CHRM3: variants seen among roughly 807,000 people sequenced by gnomAD.
CHRM3 encodes muscarinic acetylcholine receptor M3.
In CHRM3, 11 loss-of-function variants were observed where a neutral mutation model predicts 41.8. The ratio of observed to expected loss-of-function variants is 0.26; its 90% CI spans 0.17 to 0.44. The LOEUF (loss-of-function observed/expected upper bound fraction) is 0.44, where lower values mean the gene tolerates loss of function less well. CHRM3 is among the 20% of genes least tolerant of loss of function. The probability of loss-of-function intolerance (pLI) is 1.00; values close to 1 mark genes in which losing one functional copy is unlikely to be tolerated. For synonymous variants in CHRM3, 297 were observed against 301.4 expected, an observed-to-expected ratio of 0.99 and a Z score of 0.15; for missense variants, 571 against 745.4, an observed-to-expected ratio of 0.77 and a Z score of 2.72.
At chr1:239,860,617 A>C (rs1675557351) in intron 6 of CHRM3, among the ~76,000 whole-genome samples, 1 of 152,186 alleles carries the variant, frequency 6.6e-6, no homozygotes, top group Admixed American at 6.5e-5. Context: ...TTATACACAT[A>C]GCCTGAATGT....
At chr1:239,696,124 G>A (rs1284944777) in intron 5 of CHRM3, among the ~76,000 whole-genome samples, 1 of 152,126 alleles carries the variant, frequency 6.6e-6, no homozygotes, top group African/African-American at 2.4e-5. Flanking sequence ...TTTGCTAAAT[G>A]CCTGGCCTTG....
At chr1:239,678,931 C>A (rs1157252004) in intron 5 of CHRM3, among the ~76,000 whole-genome samples, 2 of 152,046 alleles carry the variant, frequency 1.3e-5, no homozygotes, top group African/African-American at 4.8e-5. Context: ...TAGATTCTCA[C>A]TATATATAAA....
chr1:239,433,819 A>G (rs1370480250), intron 1 of CHRM3, among the ~76,000 whole-genome samples: 2 of 152,148 alleles, frequency 1.3e-5, no homozygotes, highest in Non-Finnish European at 2.9e-5. Flanking sequence ...GTAGTATTCC[A>G]TCGTATATAC....
intron 3 of CHRM3, among the ~76,000 whole-genome samples, chr1:239,575,762 G>T (rs1558332485): frequency 1.3e-5 from 2 of 150,870 alleles, no homozygotes; most frequent in African/African-American, 4.9e-5. Flanking sequence ...TATATATAGA[G>T]ATATATATAC....
chr1:239,826,289 T>C (rs1482167044), intron 5 of CHRM3, among the ~76,000 whole-genome samples: 1 of 152,152 alleles, frequency 6.6e-6, no homozygotes, highest in African/African-American at 2.4e-5. Context: ...TGTAAGGAAA[T>C]TAAGAGATGC....
intron 5 of CHRM3, among the ~76,000 whole-genome samples, chr1:239,754,692 A>G (rs111939654): frequency 6.6e-6 from 1 of 152,196 alleles, no homozygotes; most frequent in Non-Finnish European, 1.5e-5. Flanking sequence ...CACTCACACT[A>G]TGGGGCTCAG....
At chr1:239,879,699 A>G (rs898394329) in intron 6 of CHRM3, among the ~76,000 whole-genome samples, 4 of 152,130 alleles carry the variant, frequency 2.6e-5, no homozygotes, top group African/African-American at 9.7e-5. Flanking sequence ...AGGAGAGAGA[A>G]ATGCCCTCTT....
chr1:239,887,558 A>G (rs1210169608), intron 6 of CHRM3, among the ~76,000 whole-genome samples: 1 of 152,162 alleles, frequency 6.6e-6, no homozygotes, highest in East Asian at 1.9e-4. Context: ...AACCTTCAGA[A>G]ACTTGATTTG....
chr1:239,859,851 A>ATATATATATG (rs1675487095), intron 6 of CHRM3, among the ~76,000 whole-genome samples: 1 of 140,138 alleles, frequency 7.1e-6, no homozygotes. Flanking sequence ...ATATATATAT[A>ATATATATATG]GTCATTTAAT....
chr1:239,745,746 C>T (rs1665296851), intron 5 of CHRM3, among the ~76,000 whole-genome samples: 1 of 152,082 alleles, frequency 6.6e-6, no homozygotes, highest in South Asian at 2.1e-4. Context: ...TCATATTATG[C>T]TCTATCAAAA....
At chr1:239,590,793 G>A (rs1664042350) in intron 3 of CHRM3, among the ~76,000 whole-genome samples, 1 of 151,542 alleles carries the variant, frequency 6.6e-6, no homozygotes. Context: ...AATATAACAG[G>A]AATAAACATA....
chr1:239,735,701 G>A (rs1664337438), intron 5 of CHRM3, among the ~76,000 whole-genome samples: 1 of 152,078 alleles, frequency 6.6e-6, no homozygotes, highest in Non-Finnish European at 1.5e-5. Flanking sequence ...GTTGATTTTG[G>A]TTCAATTAGT....
chr1:239,815,076 C>T (rs183735988), intron 5 of CHRM3, among the ~76,000 whole-genome samples: 55 of 152,252 alleles, frequency 3.6e-4, no homozygotes, highest in Admixed American at 1.1e-3. Context: ...ATGCCCGGCC[C>T]GCTGTTTGCT....
chr1:239,424,805 G>A (rs1662241151), intron 1 of CHRM3, among the ~76,000 whole-genome samples: 3 of 152,174 alleles, frequency 2.0e-5, no homozygotes, highest in Non-Finnish European at 4.4e-5. Flanking sequence ...AAGCAAGTAG[G>A]GGTCAGATCA....
chr1:239,538,778 A>G (rs1658456933), intron 2 of CHRM3, among the ~76,000 whole-genome samples: 1 of 152,292 alleles, frequency 6.6e-6, no homozygotes, highest in East Asian at 1.9e-4. Context: ...ACACATATAA[A>G]CCTACCCAGT....
chr1:239,908,765 T>A lies in CHRM3; in HGVS notation c.1314T>A (p.Ala438=), dbSNP rs1384425577. Residue 438 remains alanine (A), a synonymous_variant, in exon 7 of 7, where the codon GCT becomes GCA. Transcript: ENST00000676153. This position sits in a 1 kb window ranked among gnomAD's most constrained non-coding sequence, Gnocchi z 7.2. ...PIQLESAVDT[A]KTSDVNSSVG... The stretch of plus-strand genomic sequence containing the variant: ...AGCTAGAGTCAGCCGTGGACACAGC[T>A]AAGACTTCTGACGTCAACTCCTCAG... 6.2e-7 allele frequency: 1 copy of A among 1,614,082 alleles called. No homozygotes were observed. The highest frequency in any genetic ancestry group is 2.2e-5 in the East Asian group (1 of 44,856).
chr1:239,457,283 T>A (rs545621610), intron 1 of CHRM3, among the ~76,000 whole-genome samples: 8 of 152,302 alleles, frequency 5.3e-5, no homozygotes, highest in African/African-American at 1.9e-4. Flanking sequence ...AAAGAACACA[T>A]ATAAACCTCT....
chr1:239,499,949 C>T (rs149140846), intron 2 of CHRM3, among the ~76,000 whole-genome samples: 2 of 152,292 alleles, frequency 1.3e-5, no homozygotes, highest in African/African-American at 4.8e-5. Context: ...GAATTTGTGA[C>T]TGTCAAGCCA....
At chr1:239,598,515 G>C (rs1194924974) in intron 3 of CHRM3, among the ~76,000 whole-genome samples, 3 of 152,064 alleles carry the variant, frequency 2.0e-5, no homozygotes, top group African/African-American at 7.2e-5. Flanking sequence ...AACTGAACTT[G>C]CTTTATCCAA....
Sources: allele counts gnomAD v4.1 joint callset (sites outside exome capture counted in the v4.1 genomes callset), GRCh38; gene constraint gnomAD v4.1.1; non-coding constraint Gnocchi (gnomAD v3.1); transcripts MANE v1.5; gene names NCBI Gene and HGNC (gene_info 2026-07-23, HGNC 2026-07-21).